The following CCKBR variants were observed in gnomAD, a reference collection of about 807,000 sequenced individuals.
The protein encoded by CCKBR is gastrin/cholecystokinin type B receptor.
Under a neutral mutation model 34.6 loss-of-function variants are expected in CCKBR, and 33 were observed. That is an observed-to-expected ratio of 0.95 (90% CI 0.72 to 1.27). The LOEUF is 1.27. Ranked by LOEUF, CCKBR falls within the 50% of genes most tolerant of loss-of-function variation. The pLI is 0.00. For synonymous variants in CCKBR, 269 were observed against 267.5 expected, an observed-to-expected ratio of 1.01 and a Z score of -0.06; for missense variants, 652 against 617.4, an observed-to-expected ratio of 1.06 and a Z score of -0.59.
At chr11:6,264,740 C>T (rs897132257) in intron 1 of CCKBR, 71 of 505,448 alleles carry the variant, frequency 1.4e-4, no homozygotes, top group Non-Finnish European at 2.4e-4. Context: ...CACACACACA[C>T]ACACGCATAC....
Position 6,261,462 on chromosome 11 carries a change from TAC to T in CCKBR, c.151+1419_151+1420del, listed in dbSNP as rs60678871. On this transcript the variant is annotated intron_variant, in intron 1 of 4. Coordinates refer to ENST00000334619, the MANE Select transcript of CCKBR (RefSeq NM_176875.4). ...AAAAAAAAAAAAAAAAAAATATATA[TAC>T]ACACACACACACACACACACACACA... 2.6e-3 allele frequency among the ~76,000 whole-genome samples: 165 copies of T among 64,000 alleles called. 2 individuals are homozygous for T. The highest frequency in any genetic ancestry group is 5.8e-3 in the East Asian group (9 of 1,564). 42.0% of individuals were successfully genotyped at this position (64,000 alleles called of 152,430 possible). A position where few individuals can be genotyped will look rare whatever the true frequency, so the allele number is the denominator to read the frequency against.
chr11:6,271,661 C>T lies in CCKBR; in HGVS notation c.*118C>T, dbSNP rs201379655. On this transcript the variant is annotated 3_prime_UTR_variant, in exon 5 of 5. Coordinates refer to ENST00000334619, the MANE Select transcript of CCKBR (RefSeq NM_176875.4). The stretch of plus-strand genomic sequence containing the variant: ...ACCAACACCCAAAGCATGGACTAAC[C>T]CCAACGCACAGGAAAAGGTAGCTTA... 18 of 1,009,638 alleles carry T rather than the reference C, an allele frequency of 1.8e-5. No homozygotes were observed. The highest frequency in any genetic ancestry group is 2.5e-5 in the Non-Finnish European group (18 of 708,046). The allele number at this position is 1,009,638 out of a possible 1,614,324, so 62.5% of individuals were successfully genotyped here. A position where few individuals can be genotyped will look rare whatever the true frequency, so the allele number is the denominator to read the frequency against.
Position 6,271,531 on chromosome 11 carries a change from G to A in CCKBR, c.1332G>A (p.Leu444=), listed in dbSNP as rs1237359114. 4 of 1,594,702 alleles carry A rather than the reference G, an allele frequency of 2.5e-6. No homozygotes were observed. In the Admixed American group the frequency reaches 6.8e-5, roughly 27 times the overall value. ...TTAGCTACACCACCATCAGCACACT[G>A]GGCCCTGGCTGAGGAGTAGAGGGGC... The part of the protein sequence containing the change: ...SRLSYTTIST[L]GPG The change falls in exon 5 of 5, where the codon CTG becomes CTA. Residue 444 remains leucine, a synonymous_variant. Transcript: ENST00000334619.
chr11:6,262,211 G>A (rs1177830442), intron 1 of CCKBR, among the ~76,000 whole-genome samples: 1 of 152,188 alleles, frequency 6.6e-6, no homozygotes, highest in African/African-American at 2.4e-5. Flanking sequence ...ACTTACAGGA[G>A]AGGTCTGAGG....
Position 6,270,090 on chromosome 11 carries a change from G to A in CCKBR, c.406G>A (p.Val136Met), listed in dbSNP as rs1485181507. Residue 136 changes from valine to methionine, a missense_variant and splice_region_variant, in exon 3 of 5, where the codon GTG becomes ATG. Val to Met is a conservative substitution (Grantham distance 21). Transcript: ENST00000334619. The part of the protein sequence containing the change: ...ICKAVSYLMG[V>M]SVSVSTLSLV... ...TTCCTTTCTCTTCCCTTGTTTAGGGGTGTCTGTGAGTGTGTCCACGCTAAG... is the reference window on the plus strand; with the variant it reads ...TTCCTTTCTCTTCCCTTGTTTAGGGATGTCTGTGAGTGTGTCCACGCTAAG... 6.2e-7 allele frequency: 1 copy of A among 1,602,666 alleles called. No individual in the cohort carries two copies. The highest frequency in any genetic ancestry group is 1.3e-5 in the African/African-American group (1 of 74,754).
rs143732620 is a variant in CCKBR, at chr11:6,271,534, C to A, written c.1335C>A (p.Gly445=). Residue 445 remains glycine, a synonymous_variant, in exon 5 of 5, where the codon GGC becomes GGA. Transcript: ENST00000334619. ...GCTACACCACCATCAGCACACTGGGCCCTGGCTGAGGAGTAGAGGGGCCGT... is the reference window on the plus strand; with the variant it reads ...GCTACACCACCATCAGCACACTGGGACCTGGCTGAGGAGTAGAGGGGCCGT... ...RLSYTTISTL[G]PG The A allele has an allele frequency of 3.1e-6, 5 of 1,592,892 alleles. No individual in the cohort carries two copies. Among genetic ancestry groups the A allele is most frequent in the South Asian group, 1.1e-5 (1 of 89,946 alleles).
intron 1 of CCKBR, among the ~76,000 whole-genome samples, chr11:6,260,832 A>G (rs1410943978): frequency 6.6e-6 from 1 of 152,218 alleles, no homozygotes; most frequent in Non-Finnish European, 1.5e-5. Context: ...CTCATGGCCC[A>G]TAGCCAAGTG....
At chr11:6,266,218 G>A (rs181076306) in intron 1 of CCKBR, among the ~76,000 whole-genome samples, 4 of 152,266 alleles carry the variant, frequency 2.6e-5, no homozygotes, top group African/African-American at 2.4e-5. Flanking sequence ...TGGGCCAGGC[G>A]TAGTGGCTCA....
chr11:6,261,578 G>A (rs2929183), intron 1 of CCKBR, among the ~76,000 whole-genome samples: 106,191 of 150,864 alleles, frequency 0.7, 38,153 homozygotes, highest in East Asian at 0.94. Context: ...AGATGTATAA[G>A]AAGCTCAAAG....
In CCKBR at chr11:6,271,643, C is replaced by A; in HGVS notation, c.*100C>A. 1.6e-6 allele frequency: 2 copies of A among 1,224,416 alleles called. No homozygotes were observed. Among genetic ancestry groups the A allele is most frequent in the South Asian group, 1.5e-5 (1 of 65,856 alleles). 75.8% of individuals were successfully genotyped at this position (1,224,416 alleles called of 1,614,324 possible). On this transcript the variant is annotated 3_prime_UTR_variant, in exon 5 of 5. Transcript: ENST00000334619. ...CCACAACTGACACAGGAAACCAACA[C>A]CCAAAGCATGGACTAACCCCAACGC...
At chr11:6,261,462 T>TATATATATATATATACACACAC (rs764173521) in intron 1 of CCKBR, among the ~76,000 whole-genome samples, 4 of 64,006 alleles carry the variant, frequency 6.2e-5, no homozygotes, top group African/African-American at 2.4e-4. Flanking sequence ...AAAATATATA[T>TATATATATATATATACACACAC]ACACACACAC....
At chr11:6,264,926 G>A (rs1112716) in intron 1 of CCKBR, among the ~76,000 whole-genome samples, 24,338 of 152,040 alleles carry the variant, frequency 0.16, 2,056 homozygotes, top group Middle Eastern at 0.28. Flanking sequence ...CACAATTTAT[G>A]AGCCAATATC....
At chr11:6,262,686 AAGAGAGAG>A (rs57265861) in intron 1 of CCKBR, among the ~76,000 whole-genome samples, 4,295 of 119,212 alleles carry the variant, frequency 0.036, 223 homozygotes, top group African/African-American at 0.12. Context: ...TAGGCAAAGA[AAGAGAGAG>A]AGAGAGAGAG....
At chr11:6,260,217 A>C in intron 1 of CCKBR, 138 bp downstream of exon 1, 1 of 587,526 alleles carries the variant, frequency 1.7e-6, no homozygotes, top group Non-Finnish European at 2.9e-6. Flanking sequence ...TCAGCCCCCA[A>C]ACAGCTCCCC....
intron 2 of CCKBR, 76 bp from the exon 3 acceptor site, chr11:6,270,012 G>T: frequency 1.3e-6 from 2 of 1,589,870 alleles, no homozygotes; most frequent in South Asian, 2.3e-5. Flanking sequence ...GCAGGGAGGG[G>T]TGTGAGGAAG....
Position 6,270,100 on chromosome 11 carries a change from G to C in CCKBR, c.416G>C (p.Ser139Thr). ...TTCCCTTGTTTAGGGGTGTCTGTGA[G>C]TGTGTCCACGCTAAGCCTCGTGGCC... is the stretch of plus-strand genomic sequence containing the variant. ...AVSYLMGVSVSVSTLSLVAIA... is the reference protein window; with the variant it reads ...AVSYLMGVSVTVSTLSLVAIA... The change falls in exon 3 of 5, where the codon AGT becomes ACT. Residue 139 changes from serine to threonine, a missense_variant. Ser to Thr is a moderately conservative substitution (Grantham distance 58). Transcript: ENST00000334619. 6.2e-7 allele frequency: 1 copy of C among 1,606,466 alleles called. No homozygotes were observed. The highest frequency in any genetic ancestry group is 8.5e-7 in the Non-Finnish European group (1 of 1,174,426).
intron 1 of CCKBR, among the ~76,000 whole-genome samples, chr11:6,262,869 C>T (rs1848157725): frequency 6.6e-6 from 1 of 151,952 alleles, no homozygotes; most frequent in South Asian, 2.1e-4. Context: ...GTGATTGGGC[C>T]GAGAGAGGAA....
chr11:6,264,468 A>C (rs1476175311), intron 1 of CCKBR: 2 of 679,730 alleles, frequency 2.9e-6, no homozygotes, highest in South Asian at 3.2e-5. Flanking sequence ...CTCTGCCATT[A>C]TCTAGACAGA....
rs143732620 is a variant in CCKBR, at chr11:6,271,534, C to T, written c.1335C>T (p.Gly445=). ...GCTACACCACCATCAGCACACTGGG[C>T]CCTGGCTGAGGAGTAGAGGGGCCGT... The part of the protein sequence containing the change: ...RLSYTTISTL[G]PG Residue 445 remains glycine, a synonymous_variant, in exon 5 of 5, where the codon GGC becomes GGT. Transcript: ENST00000334619. 48 of 1,592,894 alleles carry T rather than the reference C, an allele frequency of 3.0e-5. No individual in the cohort carries two copies. The highest frequency in any genetic ancestry group is 3.9e-5 in the Non-Finnish European group (46 of 1,169,242).
Sources: allele counts gnomAD v4.1 joint callset (sites outside exome capture counted in the v4.1 genomes callset), GRCh38; gene constraint gnomAD v4.1.1; transcripts MANE v1.5; gene names NCBI Gene and HGNC (gene_info 2026-07-23, HGNC 2026-07-21).